ANO3: variants seen among roughly 807,000 people sequenced by gnomAD.
ANO3 encodes anoctamin-3.
In ANO3, 99 loss-of-function variants were observed where a neutral mutation model predicts 144.8. The ratio of observed to expected loss-of-function variants is 0.68; its 90% confidence interval spans 0.58 to 0.81. ANO3 has a LOEUF of 0.81. Ranked by LOEUF, ANO3 falls within the 30% of genes least tolerant of loss-of-function variation. The pLI, the probability that ANO3 is intolerant of heterozygous loss-of-function variation, is 0.00. For synonymous variants in ANO3, 414 were observed against 392.6 expected (o/e 1.05, Z -0.64); for missense variants, 905 against 1,202.2 (o/e 0.75, Z 3.66).
intron 3 of ANO3, among the ~76,000 whole-genome samples, chr11:26,446,467 T>G (rs928571200): frequency 1.3e-5 from 2 of 152,196 alleles, no homozygotes; most frequent in African/African-American, 4.8e-5. Flanking sequence ...CTGCATGTGG[T>G]CAGTGTTTCA....
intron 1 of ANO3, among the ~76,000 whole-genome samples, chr11:26,237,223 A>G (rs1313104949): frequency 6.6e-6 from 1 of 152,206 alleles, no homozygotes; most frequent in Non-Finnish European, 1.5e-5. Flanking sequence ...GATTAAATAG[A>G]GTAACCTACT....
intron 26 of ANO3, among the ~76,000 whole-genome samples, chr11:26,658,082 C>T (rs1853751767): frequency 6.6e-6 from 1 of 152,074 alleles, no homozygotes; most frequent in South Asian, 2.1e-4. Flanking sequence ...TGTTTTTCTT[C>T]TAGTGGTTTC....
chr11:26,457,312 CAAAT>C (rs1469300763), intron 3 of ANO3, among the ~76,000 whole-genome samples: 4 of 127,818 alleles, frequency 3.1e-5, no homozygotes, highest in African/African-American at 1.2e-4. Context: ...AGAAAGAAAA[CAAAT>C]AAAAATGTTT....
chr11:26,565,310 C>T, intron 14 of ANO3: 2 of 1,595,164 alleles, frequency 1.3e-6, no homozygotes, highest in Non-Finnish European at 1.7e-6. Context: ...GTTCCACTAT[C>T]AAGGGGGTCA....
intron 4 of ANO3, among the ~76,000 whole-genome samples, chr11:26,501,849 T>C (rs1004920747): frequency 2.0e-5 from 3 of 152,200 alleles, no homozygotes; most frequent in Admixed American, 2.0e-4. Flanking sequence ...GAGTTCTTTT[T>C]ACAATAGGGT....
chr11:26,564,397 C>T (rs1413846922), intron 14 of ANO3, among the ~76,000 whole-genome samples: 1 of 149,054 alleles, frequency 6.7e-6, no homozygotes, highest in Non-Finnish European at 1.5e-5. Context: ...AAGTAAACCA[C>T]ACTGGAAGTG....
chr11:26,626,335 C>G (rs1852583775), intron 18 of ANO3, among the ~76,000 whole-genome samples: 1 of 152,288 alleles, frequency 6.6e-6, no homozygotes, highest in East Asian at 1.9e-4. Context: ...AGGAAAGGAG[C>G]AGGACTGGAT....
chr11:26,476,281 G>A (rs1416155051), intron 4 of ANO3, among the ~76,000 whole-genome samples: 1 of 152,054 alleles, frequency 6.6e-6, no homozygotes, highest in Non-Finnish European at 1.5e-5. Flanking sequence ...TCCTAAGTGG[G>A]TGCAGGGTAG....
At chr11:26,537,150 TA>T (rs1171487589) in intron 9 of ANO3, among the ~76,000 whole-genome samples, 1 of 152,120 alleles carries the variant, frequency 6.6e-6, no homozygotes, top group Admixed American at 6.6e-5. Context: ...AAATGCCCAA[TA>T]TTTTATGATA....
rs199765489 is a variant in ANO3 at position 26,577,263 on chromosome 11, T to A, written c.1447+17484T>A. Among the ~76,000 whole-genome samples the A allele has an allele frequency of 1.5e-3, 224 of 152,192 alleles. 1 individual carries two copies. The highest frequency in any genetic ancestry group is 0.011 in the South Asian group (53 of 4,816). On this transcript the variant is annotated intron_variant, in intron 14 of 26. Coordinates refer to ENST00000256737, the MANE Select transcript of ANO3 (RefSeq NM_031418.4). ...GAGAGTATAGGTATCAGATTTTTTT[T>A]AAAAAAGAGAGAGAAAGTGGCTGGG...
At chr11:26,306,190 G>T (rs1370577365), upstream of ANO3, among the ~76,000 whole-genome samples, 2 of 147,450 alleles carry the variant, frequency 1.4e-5, no homozygotes, top group African/African-American at 5.0e-5. Context: ...TAGCCAGGAT[G>T]GTCTCGATCT....
intron 11 of ANO3, among the ~76,000 whole-genome samples, chr11:26,543,623 G>C (rs186525501): frequency 6.6e-6 from 1 of 151,804 alleles, no homozygotes; most frequent in East Asian, 1.9e-4. Flanking sequence ...GCCACACCAC[G>C]ACAGGCCCCA....
chr11:26,520,135 C>T (rs1273788205), intron 6 of ANO3, among the ~76,000 whole-genome samples: 1 of 152,106 alleles, frequency 6.6e-6, no homozygotes, highest in Non-Finnish European at 1.5e-5. Context: ...CTTTGTTTCT[C>T]TTCCTAAGAA....
intron 1 of ANO3, among the ~76,000 whole-genome samples, chr11:26,289,549 TATGTGTGTATATGTAC>T (rs1853890774): frequency 8.2e-6 from 1 of 122,524 alleles, no homozygotes; most frequent in African/African-American, 4.3e-5. Flanking sequence ...ATATATTCTA[TATGTGTGTATATGTAC>T]ATATACACAT....
chr11:26,437,729 A>T (rs1418813217), intron 1 of ANO3, among the ~76,000 whole-genome samples: 1 of 152,132 alleles, frequency 6.6e-6, no homozygotes, highest in Admixed American at 6.5e-5. Context: ...TATTCTTCCC[A>T]TGTTTATGTT....
intron 1 of ANO3, among the ~76,000 whole-genome samples, chr11:26,392,717 C>T (rs886837990): frequency 2.0e-5 from 3 of 151,978 alleles, no homozygotes; most frequent in African/African-American, 4.8e-5. Flanking sequence ...ATTGGCATTA[C>T]GTTTTTGAGA....
chr11:26,520,833 T>G (rs910578137), intron 6 of ANO3, among the ~76,000 whole-genome samples: 2 of 152,168 alleles, frequency 1.3e-5, no homozygotes, highest in African/African-American at 4.8e-5. Context: ...CAAATGTTTG[T>G]GATGTCCATG....
intron 1 of ANO3, among the ~76,000 whole-genome samples, chr11:26,214,654 G>A (rs929297198): frequency 1.3e-5 from 2 of 151,952 alleles, no homozygotes; most frequent in East Asian, 3.9e-4. Context: ...TCAGAAAATA[G>A]TACAAAGAAT....
Position 26,292,987 on chromosome 11 carries a change from T to C in ANO3, c.155-16658T>C, listed in dbSNP as rs141456717. On this transcript the variant is annotated intron_variant, in intron 1 of 27. Transcript: ENST00000672621. Reference sequence around the variant, plus strand: ...CAGTTGGAAATGCAGAAATCACCCATCTTCTGCGTCACTCATGTTGGGAAC... The same window carrying C: ...CAGTTGGAAATGCAGAAATCACCCACCTTCTGCGTCACTCATGTTGGGAAC... Among the ~76,000 whole-genome samples, 1,262 of 152,244 alleles carry C rather than the reference T, an allele frequency of 8.3e-3. 11 individuals carry two copies. Among genetic ancestry groups the C allele is most frequent in the African/African-American group, 0.029 (1,204 of 41,550 alleles).
Sources: gnomAD v4.1 joint callset for allele counts (sites outside exome capture counted in the v4.1 genomes callset) on GRCh38, gnomAD v4.1.1 for gene constraint, MANE v1.5 for transcripts, NCBI Gene and HGNC (gene_info 2026-07-23, HGNC 2026-07-21) for gene names.